The following FLNB variants were observed in gnomAD, a reference collection of about 807,000 sequenced individuals.
The protein encoded by FLNB is filamin-B.
Under a neutral mutation model 250.6 loss-of-function variants are expected in FLNB, and 111 were observed. That is an observed-to-expected ratio of 0.44 (90% confidence interval 0.38 to 0.52). The LOEUF (loss-of-function observed/expected upper bound fraction) is 0.52, where lower values mean the gene tolerates loss of function less well. FLNB is among the 20% of genes least tolerant of loss of function. The pLI, the probability that FLNB is intolerant of heterozygous loss-of-function variation, is 0.00. For missense variants in FLNB, 2,869 were observed against 3,447.8 expected (o/e 0.83, Z 4.20); for synonymous variants, 1,302 against 1,372.1 (o/e 0.95, Z 1.13).
chr3:58,070,268 C>T (rs1200569007), intron 1 of FLNB, among the ~76,000 whole-genome samples: 1 of 152,046 alleles, frequency 6.6e-6, no homozygotes, highest in African/African-American at 2.4e-5. Flanking sequence ...TGGTCTCGAA[C>T]TCCTGACCTC....
intron 3 of FLNB, among the ~76,000 whole-genome samples, chr3:58,080,903 C>G (rs1303138900): frequency 1.3e-5 from 2 of 151,818 alleles, no homozygotes; most frequent in East Asian, 3.9e-4. Flanking sequence ...AAGCCATCCT[C>G]CTGCCTCAGC....
chr3:58,148,626 C>A, intron 35 of FLNB, 23 bp from the exon 36 acceptor site: 1 of 1,601,454 alleles, frequency 6.2e-7, no homozygotes, highest in Non-Finnish European at 8.6e-7. Context: ...CCCTTACAAG[C>A]CCCAATCTGT....
intron 18 of FLNB, among the ~76,000 whole-genome samples, chr3:58,116,469 T>C (rs1266721802): frequency 6.6e-6 from 1 of 152,172 alleles, no homozygotes; most frequent in Non-Finnish European, 1.5e-5. Context: ...AGGTCCCTGA[T>C]TGCTGGTTTT....
intron 1 of FLNB, among the ~76,000 whole-genome samples, chr3:58,014,115 G>A (rs2097102548): frequency 5.9e-5 from 9 of 152,190 alleles, no homozygotes; most frequent in Admixed American, 5.9e-4. Context: ...TAAGTGCTCT[G>A]TGAATGCCTG....
intron 4 of FLNB, among the ~76,000 whole-genome samples, chr3:58,086,769 A>C (rs1349011390): frequency 1.3e-5 from 2 of 152,172 alleles, no homozygotes; most frequent in African/African-American, 4.8e-5. Context: ...AGACTTAGCA[A>C]CCATTTGTAA....
At chr3:58,091,356 A>G (rs2097226969) in intron 4 of FLNB, among the ~76,000 whole-genome samples, 1 of 152,212 alleles carries the variant, frequency 6.6e-6, no homozygotes, top group African/African-American at 2.4e-5. Context: ...GACATTATAG[A>G]TCAGTGAAAC....
chr3:58,135,973 C>G lies in FLNB; in HGVS notation c.4672-6C>G, dbSNP rs371243802. 35 of 1,613,712 alleles carry G rather than the reference C, an allele frequency of 2.2e-5. No individual in the cohort carries two copies. The East Asian group carries it at 3.1e-4, about 14-fold the overall frequency. ...ATCCTAAATAGCATTTCTCTATGAT[C>G]CACAGGACCAAGAAGGAAAACCCAA... On this transcript the variant is annotated splice_region_variant and splice_polypyrimidine_tract_variant and intron_variant, in intron 27 of 45. Coordinates refer to ENST00000295956, the MANE Select transcript of FLNB (RefSeq NM_001457.4).
At position 58,096,153 on chromosome 3, in the gene FLNB, C is replaced by G; in HGVS notation, c.919C>G (p.Pro307Ala). The G allele has an allele frequency of 1.2e-6, 2 of 1,613,812 alleles. No homozygotes were observed. The highest frequency in any genetic ancestry group is 2.2e-5 in the South Asian group (2 of 91,068). Residue 307 changes from proline to alanine, a missense_variant, in exon 6 of 46, where the codon CCT (proline) becomes GCT (alanine). This residue lies in a region of FLNB where 308 missense variants were observed against 466.1 expected (regional missense o/e 0.66). Coordinates refer to ENST00000295956, the MANE Select transcript of FLNB (RefSeq NM_001457.4). ...CCTTCCCTCCTAGGCACAAGTGACC[C>G]CTGACAGTGACAAGAACAAGACATA... ...EGNKEEAQVT[P>A]DSDKNKTYSV...
At chr3:58,148,507 A>G (rs571300449) in intron 35 of FLNB, 142 bp from the exon 36 acceptor site, 12 of 1,226,608 alleles carry the variant, frequency 9.8e-6, no homozygotes, top group South Asian at 9.0e-5. Context: ...TAAATGCCCA[A>G]GCGTATTTGT....
intron 1 of FLNB, among the ~76,000 whole-genome samples, chr3:58,068,230 A>G (rs2097188849): frequency 6.6e-6 from 1 of 152,242 alleles, no homozygotes; most frequent in Non-Finnish European, 1.5e-5. Context: ...AGAAGGGGAC[A>G]AAGGCCACAG....
intron 12 of FLNB, 113 bp downstream of exon 12, chr3:58,106,986 G>T: frequency 2.5e-6 from 2 of 806,842 alleles, no homozygotes; most frequent in Non-Finnish European, 4.2e-6. Context: ...GAATCATTTG[G>T]ATTTTAGGAA....
intron 1 of FLNB, among the ~76,000 whole-genome samples, chr3:58,073,013 C>T (rs527575006): frequency 3.3e-5 from 5 of 152,238 alleles, no homozygotes; most frequent in Admixed American, 1.3e-4. Flanking sequence ...TAACATATAA[C>T]TTGGGAAAGT....
chr3:58,132,584 G>A (rs539687153), intron 25 of FLNB: 11 of 606,568 alleles, frequency 1.8e-5, no homozygotes, highest in South Asian at 1.3e-4. Flanking sequence ...GTGTATTTTA[G>A]CCAACAAAAA....
At chr3:58,134,907 C>T in intron 27 of FLNB, 135 bp downstream of exon 27, 1 of 824,792 alleles carries the variant, frequency 1.2e-6, no homozygotes, top group Non-Finnish European at 2.0e-6. Context: ...ACCAAAGAGT[C>T]AGTAAATGTG....
Position 58,142,066 on chromosome 3 carries a change from A to G in FLNB, c.5181+137A>G. On this transcript the variant is annotated intron_variant, in intron 30 of 45. Transcript: ENST00000295956. This position sits in a 1 kb window ranked among gnomAD's most constrained non-coding sequence, Gnocchi z 4.3. ...TGGTGTGCCCCTCACTGATCAGCCC[A>G]TCACGATGATCCCTGCTTTTTCTGT... 2.7e-6 allele frequency: 2 copies of G among 751,966 alleles called. No homozygotes were observed. Among genetic ancestry groups the G allele is most frequent in the Non-Finnish European group, 4.8e-6 (2 of 415,430 alleles). The allele number at this position is 751,966 out of a possible 1,614,324, so 46.6% of individuals were successfully genotyped here.
At position 58,121,399 on chromosome 3, in the gene FLNB, C is replaced by T. The variant is rs1393918714; in HGVS notation, c.3022C>T (p.Pro1008Ser). 6.2e-6 allele frequency: 10 copies of T among 1,614,022 alleles called. 1 individual carries two copies. The South Asian group carries it at 6.6e-5, about 11-fold the overall frequency. ...GGAGAACAGCACGGCCAAGTTCATCCCTCGGGAGGAGGGGCTGTATGCTGT... is the reference window on the plus strand; with the variant it reads ...GGAGAACAGCACGGCCAAGTTCATCTCTCGGGAGGAGGGGCTGTATGCTGT... ...GRENSTAKFIPREEGLYAVDV... is the reference protein window; with the variant it reads ...GRENSTAKFISREEGLYAVDV... The change falls in exon 20 of 46, where the codon CCT becomes TCT. Residue 1008 changes from proline (P) to serine (S), a missense_variant. By Grantham distance (74) the Pro-to-Ser change is moderately conservative (BLOSUM62 -1). Transcript: ENST00000295956.
At chr3:58,100,373 A>AATATATATATATATATAT (rs1553696177) in intron 8 of FLNB, among the ~76,000 whole-genome samples, 18 of 104,330 alleles carry the variant, frequency 1.7e-4, no homozygotes, top group Middle Eastern at 4.8e-3. Flanking sequence ...GTAAAAAAAA[A>AATATATATATATATATAT]ATATATATAT....
At chr3:58,038,705 G>A (rs141549621) in intron 1 of FLNB, among the ~76,000 whole-genome samples, 102 of 151,996 alleles carry the variant, frequency 6.7e-4, no homozygotes, top group African/African-American at 2.3e-3. Context: ...TGGGATTACA[G>A]GAGCGAGCCA....
chr3:58,147,951 A>G (rs567058912), intron 34 of FLNB, among the ~76,000 whole-genome samples: 6 of 152,158 alleles, frequency 3.9e-5, no homozygotes, highest in African/African-American at 9.7e-5. Context: ...TGGCCCAAAG[A>G]TTCCTTTAAA....
Sources: gnomAD v4.1 joint callset for allele counts (sites outside exome capture counted in the v4.1 genomes callset) on GRCh38, gnomAD v4.1.1 for gene constraint, gnomAD v4.1.1 regional missense constraint, Gnocchi (gnomAD v3.1) non-coding constraint, MANE v1.5 for transcripts, NCBI Gene and HGNC (gene_info 2026-07-23, HGNC 2026-07-21) for gene names.